The following GRID2 variants were observed in gnomAD, a reference collection of about 807,000 sequenced individuals.
GRID2 encodes the protein glutamate receptor ionotropic, delta-2.
A neutral mutation model predicts 114.8 loss-of-function variants in GRID2; 33 were observed. That is an observed-to-expected ratio of 0.29 (90% confidence interval 0.22 to 0.38). The LOEUF (loss-of-function observed/expected upper bound fraction) is 0.38, where lower values mean the gene tolerates loss of function less well. Ranked by LOEUF, GRID2 falls within the 10% of genes least tolerant of loss-of-function variation. The pLI, the probability that GRID2 is intolerant of heterozygous loss-of-function variation, is 1.00. For synonymous variants in GRID2, 505 were observed against 449.9 expected (o/e 1.12, Z -1.55); for missense variants, 1,184 against 1,257.7 (o/e 0.94, Z 0.89).
chr4:92,793,319 T>C (rs1739683912), intron 2 of GRID2, among the ~76,000 whole-genome samples: 1 of 151,792 alleles, frequency 6.6e-6, no homozygotes, highest in African/African-American at 2.4e-5. Context: ...TCCAATGGAT[T>C]TGCTCAACTG....
At chr4:93,287,789 T>C (rs1418164678) in intron 8 of GRID2, among the ~76,000 whole-genome samples, 1 of 152,200 alleles carries the variant, frequency 6.6e-6, no homozygotes, top group Non-Finnish European at 1.5e-5. Flanking sequence ...CACTTGATAA[T>C]TGTTCTGATA....
intron 2 of GRID2, among the ~76,000 whole-genome samples, chr4:92,862,738 A>G (rs1560648520): frequency 2.0e-5 from 3 of 152,224 alleles, no homozygotes; most frequent in South Asian, 4.1e-4. Flanking sequence ...GTTGTTGTGC[A>G]TACATTTTTT....
intron 2 of GRID2, among the ~76,000 whole-genome samples, chr4:92,943,973 G>T (rs1371375682): frequency 6.6e-6 from 1 of 152,170 alleles, no homozygotes; most frequent in African/African-American, 2.4e-5. Context: ...ACCAGGCCAT[G>T]TGAGGTATCA....
intron 2 of GRID2, among the ~76,000 whole-genome samples, chr4:93,006,935 C>CA (rs1173991329): frequency 6.6e-6 from 1 of 150,652 alleles, no homozygotes; most frequent in Non-Finnish European, 1.5e-5. Flanking sequence ...CAAAAATAAA[C>CA]AAAAAACCCT....
At chr4:93,499,943 A>G (rs1905720) in intron 12 of GRID2, among the ~76,000 whole-genome samples, 29,588 of 151,928 alleles carry the variant, frequency 0.19, 3,440 homozygotes, top group Middle Eastern at 0.36. Context: ...CCAGGGGAAC[A>G]TATTGTATGC....
intron 8 of GRID2, among the ~76,000 whole-genome samples, chr4:93,256,980 C>A (rs572836419): frequency 7.9e-5 from 12 of 151,844 alleles, no homozygotes; most frequent in Non-Finnish European, 1.0e-4. Flanking sequence ...TTTATTAAAG[C>A]ATCTAATTTA....
chr4:93,323,130 G>A (rs181157272), intron 8 of GRID2, among the ~76,000 whole-genome samples: 27 of 152,270 alleles, frequency 1.8e-4, no homozygotes, highest in African/African-American at 6.5e-4. Context: ...CCATGCTTCT[G>A]TCCTGAATGG....
chr4:92,961,841 TC>T (rs907027763), intron 2 of GRID2, among the ~76,000 whole-genome samples: 2 of 151,906 alleles, frequency 1.3e-5, no homozygotes, highest in Non-Finnish European at 2.9e-5. Context: ...TCTTGGATAT[TC>T]TGTGTTGTTG....
intron 1 of GRID2, among the ~76,000 whole-genome samples, chr4:92,452,811 AAT>A (rs1720997353): frequency 7.0e-6 from 1 of 143,822 alleles, no homozygotes. Context: ...ATGTATATAT[AAT>A]ATATGTTTAC....
intron 8 of GRID2, among the ~76,000 whole-genome samples, chr4:93,382,957 G>A (rs1046900079): frequency 1.3e-5 from 2 of 151,690 alleles, no homozygotes; most frequent in Admixed American, 6.6e-5. Flanking sequence ...CTGTGCAAAG[G>A]ATCAATCTGA....
At chr4:93,432,571 G>T (rs886643792) in intron 10 of GRID2, among the ~76,000 whole-genome samples, 4 of 152,056 alleles carry the variant, frequency 2.6e-5, no homozygotes, top group African/African-American at 9.7e-5. Flanking sequence ...CAAAAGAAAT[G>T]AGTTTAAAAT....
chr4:92,678,723 T>G (rs1733505618), intron 2 of GRID2, among the ~76,000 whole-genome samples: 1 of 151,978 alleles, frequency 6.6e-6, no homozygotes, highest in Non-Finnish European at 1.5e-5. Flanking sequence ...ATAAATGAGT[T>G]ATCAGAGAGT....
intron 11 of GRID2, among the ~76,000 whole-genome samples, chr4:93,479,285 G>A (rs979554759): frequency 6.6e-6 from 1 of 151,974 alleles, no homozygotes; most frequent in African/African-American, 2.4e-5. Flanking sequence ...TTTGCAACAC[G>A]GGGTTACCAC....
Position 92,304,601 on chromosome 4 carries a change from G to GAAAA in GRID2, c.-47_-44dup. ...TGACCTCAAACTCTTTGGACTGTTT[G>GAAAA]AAAAAAAAAAAATTGGAAGAAAATC... On this transcript the variant is annotated 5_prime_UTR_variant, in exon 1 of 16. Coordinates refer to ENST00000282020, the MANE Select transcript of GRID2 (RefSeq NM_001510.4). 1.9e-6 allele frequency: 2 copies of GAAAA among 1,039,756 alleles called. No homozygotes were observed. The highest frequency in any genetic ancestry group is 2.8e-6 in the Non-Finnish European group (2 of 707,622). The allele number at this position is 1,039,756 out of a possible 1,614,324, so 64.4% of individuals were successfully genotyped here.
intron 8 of GRID2, among the ~76,000 whole-genome samples, chr4:93,261,538 A>G (rs1750252888): frequency 6.6e-6 from 1 of 151,846 alleles, no homozygotes. Flanking sequence ...GAAAATTTCA[A>G]GTGGAATGAC....
intron 13 of GRID2, among the ~76,000 whole-genome samples, chr4:93,608,792 A>G (rs1397682211): frequency 2.2e-5 from 3 of 136,812 alleles, no homozygotes; most frequent in Non-Finnish European, 3.2e-5. Context: ...GTGTCTTTAT[A>G]GCAGCATGAT....
At chr4:92,449,676 G>GACATATATATATATATAT in intron 1 of GRID2, among the ~76,000 whole-genome samples, 1 of 96,746 alleles carries the variant, frequency 1.0e-5, no homozygotes, top group East Asian at 2.8e-4. Context: ...TTTTCTTACT[G>GACATATATATATATATAT]ATATATATAT....
chr4:92,381,925 T>C (rs553776216), intron 1 of GRID2, among the ~76,000 whole-genome samples: 2 of 152,190 alleles, frequency 1.3e-5, no homozygotes, highest in East Asian at 3.9e-4. Flanking sequence ...ATCTCAGATG[T>C]CTACAGACTA....
chr4:93,257,315 G>A (rs1016338597), intron 8 of GRID2, among the ~76,000 whole-genome samples: 3 of 151,900 alleles, frequency 2.0e-5, no homozygotes, highest in East Asian at 1.9e-4. Context: ...TGAGGTAGAT[G>A]AATGATGTAG....
Sources: allele counts gnomAD v4.1 joint callset (sites outside exome capture counted in the v4.1 genomes callset), GRCh38; gene constraint gnomAD v4.1.1; transcripts MANE v1.5; gene names NCBI Gene and HGNC (gene_info 2026-07-23, HGNC 2026-07-21).